Variants in ARHGEF3 observed in about 807,000 individuals in gnomAD.
ARHGEF3 encodes the protein Rho guanine nucleotide exchange factor 3.
In ARHGEF3, 28 loss-of-function variants were observed where a neutral mutation model predicts 63.2. That is an observed-to-expected ratio of 0.44 (90% CI 0.33 to 0.61). ARHGEF3 has a LOEUF of 0.61. Among genes scored for constraint, ARHGEF3 ranks in the 20% least tolerant of loss-of-function variants. The pLI, the probability that ARHGEF3 is intolerant of heterozygous loss-of-function variation, is 0.03. For missense variants in ARHGEF3, 533 were observed against 659.3 expected, an observed-to-expected ratio of 0.81 and a Z score of 2.10; for synonymous variants, 266 against 254.2, an observed-to-expected ratio of 1.05 and a Z score of -0.44.
intron 2 of ARHGEF3, among the ~76,000 whole-genome samples, chr3:57,016,197 A>G (rs7617213): frequency 0.26 from 39,712 of 152,046 alleles, 5,488 homozygotes; most frequent in Middle Eastern, 0.31. Context: ...ATCACAGCAC[A>G]TCCAAGTGGT....
intron 1 of ARHGEF3, chr3:57,074,191 T>G (rs1706095828): frequency 6.2e-7 from 1 of 1,614,020 alleles, no homozygotes; most frequent in African/African-American, 1.3e-5. Flanking sequence ...TCAAACCAAC[T>G]GACATTTACT....
rs1560113706 is a variant in ARHGEF3, at chr3:56,992,400, A to AC, written c.63-33512_63-33511insG. Among the ~76,000 whole-genome samples the AC allele has an allele frequency of 7.8e-4, 105 of 134,982 alleles. 1 individual carries two copies. The highest frequency in any genetic ancestry group is 3.6e-3 in the Middle Eastern group (1 of 274). 88.6% of individuals were successfully genotyped at this position (134,982 alleles called of 152,430 possible). On this transcript the variant is annotated intron_variant, in intron 2 of 12. Transcript: ENST00000338458. ...TAAAAAAAAAAAAAAAAAAAAAAAA[A>AC]AAAAAAAAAAAAAACAGAAAGAAGG...
chr3:57,021,744 G>A (rs1262162523), intron 2 of ARHGEF3, among the ~76,000 whole-genome samples: 8 of 137,704 alleles, frequency 5.8e-5, no homozygotes, highest in East Asian at 2.1e-4. Flanking sequence ...AGAGGAAGAC[G>A]CCATCTCAAA....
intron 1 of ARHGEF3, among the ~76,000 whole-genome samples, chr3:57,035,878 A>T (rs1303428548): frequency 5.9e-5 from 9 of 152,252 alleles, no homozygotes. Context: ...CATCTAGCAC[A>T]GCCACCCCTG....
chr3:56,793,287 A>G (rs1054876306), intron 1 of ARHGEF3, among the ~76,000 whole-genome samples: 1 of 151,494 alleles, frequency 6.6e-6, no homozygotes, highest in Admixed American at 6.6e-5. Context: ...CTCCTGCCTC[A>G]GCCTCCCGAG....
chr3:56,968,436 C>A (rs1450322201), intron 2 of ARHGEF3, among the ~76,000 whole-genome samples: 3 of 139,112 alleles, frequency 2.2e-5, no homozygotes, highest in Middle Eastern at 3.2e-3. Flanking sequence ...AACTCCCCAG[C>A]TCAAGTGATA....
At chr3:57,072,468 C>T (rs1490304185) in intron 1 of ARHGEF3, among the ~76,000 whole-genome samples, 7 of 150,918 alleles carry the variant, frequency 4.6e-5, no homozygotes, top group African/African-American at 7.3e-5. Flanking sequence ...AGGCCAGGTG[C>T]GGTGGCTCAT....
chr3:57,078,397 G>A (rs1351868651), intron 1 of ARHGEF3: 1 of 152,288 alleles, frequency 6.6e-6, no homozygotes, highest in Non-Finnish European at 1.5e-5. Flanking sequence ...AGCAAGCCGA[G>A]TCCTCTAAGA....
chr3:56,939,669 G>A (rs1475053439), intron 3 of ARHGEF3: 1 of 152,074 alleles, frequency 6.6e-6, no homozygotes, highest in Non-Finnish European at 1.5e-5. Context: ...GCTCCCAGAA[G>A]AGATTGTCCA....
chr3:56,925,766 A>G (rs1312672737), intron 3 of ARHGEF3, among the ~76,000 whole-genome samples: 1 of 152,334 alleles, frequency 6.6e-6, no homozygotes, highest in South Asian at 2.1e-4. Flanking sequence ...GGTTCTTACC[A>G]CAATACTCAT....
chr3:56,985,165 T>G (rs951847739), intron 2 of ARHGEF3, among the ~76,000 whole-genome samples: 1 of 152,364 alleles, frequency 6.6e-6, no homozygotes, highest in East Asian at 1.9e-4. Flanking sequence ...CCTAGCTCAC[T>G]GCAACCTCTG....
intron 1 of ARHGEF3, among the ~76,000 whole-genome samples, chr3:57,054,275 T>G (rs1408716775): frequency 2.0e-5 from 3 of 152,082 alleles, no homozygotes; most frequent in Admixed American, 1.3e-4. Context: ...TCCAAATGTT[T>G]TTGTGGTCAT....
At chr3:57,072,519 T>C (rs1446337478) in intron 1 of ARHGEF3, among the ~76,000 whole-genome samples, 2 of 151,236 alleles carry the variant, frequency 1.3e-5, no homozygotes, top group Non-Finnish European at 2.9e-5. Context: ...GGTGGGAGGA[T>C]TGCTTGAGCT....
Position 56,801,692 on chromosome 3 carries a change from C to G in ARHGEF3, c.96+11G>C, listed in dbSNP as rs748166844. On this transcript the variant is annotated intron_variant, in intron 1 of 9. Transcript: ENST00000296315. The stretch of plus-strand genomic sequence containing the variant: ...GACCCATAGAGGTCCAGGTGCAGGG[C>G]GCGGCCCTACCTCAGCGTCCTTGGC... 6.4e-7 allele frequency: 1 copy of G among 1,554,142 alleles called. No homozygotes were observed. The highest frequency in any genetic ancestry group is 1.9e-5 in the Admixed American group (1 of 51,302).
At chr3:56,862,292 A>T (rs771165565) in intron 4 of ARHGEF3, among the ~76,000 whole-genome samples, 1 of 152,132 alleles carries the variant, frequency 6.6e-6, no homozygotes, top group Non-Finnish European at 1.5e-5. Context: ...CCCTACTCCA[A>T]TGCCTACTGG....
At chr3:56,976,239 C>T (rs1171902307) in intron 2 of ARHGEF3, among the ~76,000 whole-genome samples, 10 of 152,238 alleles carry the variant, frequency 6.6e-5, no homozygotes, top group Admixed American at 3.9e-4. Flanking sequence ...GACGGGGTTT[C>T]GTCATGTTGG....
At chr3:56,975,698 G>T in intron 2 of ARHGEF3, 1 of 347,824 alleles carries the variant, frequency 2.9e-6, no homozygotes. Context: ...CAGAGAAACA[G>T]ATGTTAAAAC....
chr3:56,867,144 C>T (rs1043929405), intron 4 of ARHGEF3, among the ~76,000 whole-genome samples: 13 of 152,192 alleles, frequency 8.5e-5, no homozygotes, highest in African/African-American at 3.1e-4. Flanking sequence ...TAGAGGAAGA[C>T]ATGTTCTTAA....
At chr3:57,042,673 TATATATATATATATATA>T (rs1396449014) in intron 1 of ARHGEF3, among the ~76,000 whole-genome samples, 2,001 of 37,614 alleles carry the variant, frequency 0.053, 200 homozygotes, top group African/African-American at 0.19. Context: ...TATATATATA[TATATATATATATATATA>T]TATATATATA....
Sources: allele counts gnomAD v4.1 joint callset (sites outside exome capture counted in the v4.1 genomes callset), GRCh38; gene constraint gnomAD v4.1.1; transcripts MANE v1.5; gene names NCBI Gene and HGNC (gene_info 2026-07-23, HGNC 2026-07-21).